UGT1A10: variants seen among roughly 807,000 people sequenced by gnomAD.
UGT1A10 encodes the protein UDP-glucuronosyltransferase 1A10.
A neutral mutation model predicts 45.8 loss-of-function variants in UGT1A10; 49 were observed. The ratio of observed to expected loss-of-function variants is 1.07; its 90% CI spans 0.85 to 1.36. The LOEUF (loss-of-function observed/expected upper bound fraction) is 1.36, where lower values mean the gene tolerates loss of function less well. Among genes scored for constraint, UGT1A10 ranks in the 40% most tolerant of loss-of-function variants. The pLI, the probability that UGT1A10 is intolerant of heterozygous loss-of-function variation, is 0.00. For synonymous variants in UGT1A10, 284 were observed against 249.7 expected (o/e 1.14, Z -1.29); for missense variants, 745 against 668.6 (o/e 1.11, Z -1.26).
intron 1 of UGT1A10, among the ~76,000 whole-genome samples, chr2:233,696,633 T>A (rs1245843858): frequency 6.6e-6 from 1 of 152,220 alleles, no homozygotes; most frequent in Non-Finnish European, 1.5e-5. Context: ...TCTTGCTTAA[T>A]TGCTTTGGAT....
intron 1 of UGT1A10, among the ~76,000 whole-genome samples, chr2:233,660,236 C>T (rs2073937527): frequency 6.6e-6 from 1 of 152,176 alleles, no homozygotes; most frequent in Non-Finnish European, 1.5e-5. Context: ...ATGATGTTCG[C>T]CCCGCTGACA....
At chr2:233,768,171 T>C (rs761240010) in intron 3 of UGT1A10, 49 bp from the exon 4 acceptor site, 11 of 1,613,794 alleles carry the variant, frequency 6.8e-6, no homozygotes, top group South Asian at 1.1e-5. Flanking sequence ...TGTCCAGCTG[T>C]GAAACTCAGA....
At chr2:233,670,735 G>A (rs1161772611) in intron 1 of UGT1A10, among the ~76,000 whole-genome samples, 1 of 152,078 alleles carries the variant, frequency 6.6e-6, no homozygotes, top group African/African-American at 2.4e-5. Flanking sequence ...GGGTTTGCAG[G>A]CAAGTAGACC....
intron 1 of UGT1A10, among the ~76,000 whole-genome samples, chr2:233,676,955 A>G (rs28969708): frequency 6.6e-6 from 1 of 152,258 alleles, no homozygotes; most frequent in African/African-American, 2.4e-5. Context: ...TTTGATTACT[A>G]TAGCTGTGTA....
At chr2:233,669,448 C>CATAT (rs770794155) in intron 1 of UGT1A10, among the ~76,000 whole-genome samples, 36 of 152,214 alleles carry the variant, frequency 2.4e-4, no homozygotes, top group Middle Eastern at 6.8e-3. Flanking sequence ...GATTCATGAA[C>CATAT]ATATCTATTT....
At chr2:233,652,679 C>T (rs150096802) in intron 1 of UGT1A10, among the ~76,000 whole-genome samples, 42 of 152,244 alleles carry the variant, frequency 2.8e-4, no homozygotes, top group Admixed American at 5.9e-4. Flanking sequence ...ACATCCTTGG[C>T]CAATTGATTT....
chr2:233,760,544 A>C (rs1287938183), intron 1 of UGT1A10: 1 of 1,614,126 alleles, frequency 6.2e-7, no homozygotes, highest in Non-Finnish European at 8.5e-7. Flanking sequence ...TTCCAAAGGG[A>C]GGATGTGAAA....
intron 1 of UGT1A10, among the ~76,000 whole-genome samples, chr2:233,749,397 T>C (rs756585861): frequency 1.2e-4 from 18 of 151,970 alleles, no homozygotes; most frequent in Admixed American, 2.0e-4. Context: ...TGTGAACATA[T>C]TCTCTAGTGT....
rs550981457 is a variant in UGT1A10, at chr2:233,769,346, G to C, written c.1295+907G>C. ...TAATAGGCTTATTAGAACCTTATGG[G>C]AAGAAGTGGTGGCCAGTGGTAGATT... On this transcript the variant is annotated intron_variant, in intron 4 of 4. Coordinates refer to ENST00000344644, the MANE Select transcript of UGT1A10 (RefSeq NM_019075.4). This position sits in a 1 kb window ranked among gnomAD's most constrained non-coding sequence, Gnocchi z 4.4. Among the ~76,000 whole-genome samples, 7 of 152,360 alleles carry C rather than the reference G, an allele frequency of 4.6e-5. No homozygotes were observed. In the South Asian group the frequency reaches 1.5e-3, roughly 32 times the overall value.
intron 1 of UGT1A10, chr2:233,743,541 ACC>A (rs544018510): frequency 1.5e-6 from 2 of 1,366,832 alleles, no homozygotes; most frequent in Non-Finnish European, 2.0e-6. Context: ...AGTTCCTCTG[ACC>A]CCCCCAAAAT....
At chr2:233,764,234 G>A (rs1271610105) in intron 1 of UGT1A10, among the ~76,000 whole-genome samples, 2 of 152,142 alleles carry the variant, frequency 1.3e-5, no homozygotes, top group Non-Finnish European at 2.9e-5. Flanking sequence ...GTGGGGGATT[G>A]GAGTGTTATT....
At chr2:233,740,937 T>A (rs1575638428) in intron 1 of UGT1A10, 2 of 146,280 alleles carry the variant, frequency 1.4e-5, no homozygotes, top group Admixed American at 6.8e-5. Context: ...GTTTTTTTTT[T>A]AATTAGCTAG....
intron 1 of UGT1A10, among the ~76,000 whole-genome samples, chr2:233,765,604 G>C (rs986298003): frequency 6.6e-5 from 10 of 151,976 alleles, no homozygotes; most frequent in African/African-American, 2.2e-4. Context: ...CAGGGCTTGT[G>C]GCGGGGTGAG....
chr2:233,748,071 C>G (rs1693854159), intron 1 of UGT1A10: 1 of 1,613,254 alleles, frequency 6.2e-7, no homozygotes, highest in Non-Finnish European at 8.5e-7. Flanking sequence ...CAGGAAGCCA[C>G]TATCTCAGGT....
intron 1 of UGT1A10, among the ~76,000 whole-genome samples, chr2:233,709,659 T>TAGTA (rs2076086145): frequency 6.6e-6 from 1 of 152,242 alleles, no homozygotes; most frequent in Non-Finnish European, 1.5e-5. Context: ...GGGCTTTGTA[T>TAGTA]AGTAGGTTTT....
chr2:233,732,117 C>A (rs2078240109), intron 1 of UGT1A10, among the ~76,000 whole-genome samples: 1 of 144,304 alleles, frequency 6.9e-6, no homozygotes, highest in Non-Finnish European at 1.5e-5. Context: ...CCTTTGCCCA[C>A]TTTTTGATGA....
rs1559329387 is a variant in UGT1A10, at chr2:233,661,631, C to A, written c.855+24254C>A. On this transcript the variant is annotated intron_variant, in intron 1 of 4. Transcript: ENST00000344644. ...AGTGAAGACTTACTGAATTTTCTTT[C>A]TTTCTTTCTTTCTTTCTTTCTTTCT... 2.5e-5 allele frequency among the ~76,000 whole-genome samples: 3 copies of A among 122,328 alleles called. No homozygotes were observed. In the East Asian group the frequency reaches 6.5e-4, roughly 26 times the overall value. 80.3% of individuals were successfully genotyped at this position (122,328 alleles called of 152,430 possible).
In UGT1A10 at chr2:233,723,536, T is replaced by TTTTA. The variant is rs1553611580; in HGVS notation, c.856-43498_856-43497insTTTA. The stretch of plus-strand genomic sequence containing the variant: ...ACAATCTTTTTTTTTTTTTTTTTTT[T>TTTTA]AATTTATTTTTTTATTGATAATTCT... On this transcript the variant is annotated intron_variant, in intron 1 of 4. Transcript: ENST00000344644. 3.3e-5 allele frequency among the ~76,000 whole-genome samples: 4 copies of TTTTA among 121,446 alleles called. 1 individual carries two copies. Among genetic ancestry groups the TTTTA allele is most frequent in the Admixed American group, 1.7e-4 (2 of 11,926 alleles). 79.7% of individuals were successfully genotyped at this position (121,446 alleles called of 152,430 possible). A position where few individuals can be genotyped will look rare whatever the true frequency, so the allele number is the denominator to read the frequency against.
chr2:233,768,031 A>G (rs1699551852), intron 3 of UGT1A10, 95 bp downstream of exon 3: 2 of 1,612,748 alleles, frequency 1.2e-6, no homozygotes, highest in Non-Finnish European at 8.5e-7. Context: ...GAGCTTGAAA[A>G]TATTATGGCC....
Sources: allele counts gnomAD v4.1 joint callset (sites outside exome capture counted in the v4.1 genomes callset), GRCh38; gene constraint gnomAD v4.1.1; non-coding constraint Gnocchi (gnomAD v3.1); transcripts MANE v1.5; gene names NCBI Gene and HGNC (gene_info 2026-07-23, HGNC 2026-07-21).